The following ATP2B1 variants were observed in gnomAD, a reference collection of about 807,000 sequenced individuals.
The protein encoded by ATP2B1 is ATPase plasma membrane Ca2+ transporting 1.
Under a neutral mutation model 124.2 loss-of-function variants are expected in ATP2B1, and 14 were observed. That is an observed-to-expected ratio of 0.11 (90% confidence interval 0.07 to 0.18). The LOEUF is 0.18. Among genes scored for constraint, ATP2B1 ranks in the 10% least tolerant of loss-of-function variants. The probability of loss-of-function intolerance (pLI) is 1.00; values close to 1 mark genes in which losing one functional copy is unlikely to be tolerated. For missense variants in ATP2B1, 763 were observed against 1,466.1 expected (o/e 0.52, Z 7.83); for synonymous variants, 449 against 492.4 (o/e 0.91, Z 1.17).
chr12:89,657,380 C>T (rs556706252), intron 1 of ATP2B1, among the ~76,000 whole-genome samples: 5 of 152,204 alleles, frequency 3.3e-5, no homozygotes, highest in Non-Finnish European at 7.4e-5. Context: ...TTGAAATAGG[C>T]ATCATGCCAC....
chr12:89,691,130 T>C (rs1360117709), intron 1 of ATP2B1, among the ~76,000 whole-genome samples: 1 of 152,084 alleles, frequency 6.6e-6, no homozygotes, highest in Non-Finnish European at 1.5e-5. Flanking sequence ...CATGCCTTTC[T>C]GCCATTCAGC....
chr12:89,692,989 T>A (rs917812470), intron 1 of ATP2B1, among the ~76,000 whole-genome samples: 3 of 152,232 alleles, frequency 2.0e-5, no homozygotes, highest in African/African-American at 7.2e-5. Flanking sequence ...ACTGAGGATG[T>A]ACTGTATGCT....
chr12:89,665,021 G>A (rs1887136561), intron 1 of ATP2B1, among the ~76,000 whole-genome samples: 1 of 151,972 alleles, frequency 6.6e-6, no homozygotes, highest in Admixed American at 6.5e-5. Context: ...AGTAGAGATG[G>A]GGTTTCACCA....
chr12:89,600,295 TCATG>T (rs1210647253), intron 19 of ATP2B1, among the ~76,000 whole-genome samples: 1 of 152,212 alleles, frequency 6.6e-6, no homozygotes, highest in African/African-American at 2.4e-5. Flanking sequence ...ATAAATTAGC[TCATG>T]CAAATTATAT....
In ATP2B1 at chr12:89,708,098, AG is replaced by A. The variant is rs1407526327; in HGVS notation, c.-222+497del. On this transcript the variant is annotated intron_variant, in intron 1 of 20. Transcript: ENST00000428670. ...CAACCACCAGGGCCAGGGGCCGACC[AG>A]GGGCCCCCGCTCCCCTCCCGCAGTG... is the stretch of plus-strand genomic sequence containing the variant. Among the ~76,000 whole-genome samples the A allele has an allele frequency of 3.3e-5, 5 of 152,146 alleles. 1 individual carries two copies. Among genetic ancestry groups the A allele is most frequent in the Non-Finnish European group, 7.4e-5 (5 of 68,002 alleles).
At chr12:89,651,808 G>A (rs1292534011) in intron 2 of ATP2B1, among the ~76,000 whole-genome samples, 2 of 152,172 alleles carry the variant, frequency 1.3e-5, no homozygotes, top group Non-Finnish European at 2.9e-5. Context: ...TAAGACTGGA[G>A]CCAGAGTGAG....
intron 1 of ATP2B1, among the ~76,000 whole-genome samples, chr12:89,682,205 T>C (rs1244524577): frequency 6.6e-6 from 1 of 151,992 alleles, no homozygotes; most frequent in South Asian, 2.1e-4. Flanking sequence ...TAAAGAAAAC[T>C]GTAAAAACAC....
chr12:89,650,359 C>CTGTAA (rs1230391834), intron 2 of ATP2B1, among the ~76,000 whole-genome samples: 1 of 152,222 alleles, frequency 6.6e-6, no homozygotes, highest in Non-Finnish European at 1.5e-5. Context: ...TAAAGTCAAA[C>CTGTAA]TTACACATTC....
At chr12:89,598,215 G>A (rs1875072383) in intron 20 of ATP2B1, among the ~76,000 whole-genome samples, 1 of 152,090 alleles carries the variant, frequency 6.6e-6, no homozygotes, top group African/African-American at 2.4e-5. Flanking sequence ...TCCTGGTTCT[G>A]TTAGATGAGT....
chr12:89,610,079 T>TTACTC (rs1877704730), intron 14 of ATP2B1, 36 bp from the exon 15 acceptor site: 2 of 1,544,654 alleles, frequency 1.3e-6, no homozygotes, highest in Non-Finnish European at 1.8e-6. Flanking sequence ...TATAAAAACA[T>TTACTC]TACTCTTTAA....
Position 89,588,561 on chromosome 12 carries a change from T to A in ATP2B1, c.*2423A>T, listed in dbSNP as rs1873031545. 6.6e-6 allele frequency: 1 copy of A among 152,556 alleles called. No individual in the cohort carries two copies. The highest frequency in any genetic ancestry group is 6.6e-5 in the Admixed American group (1 of 15,260). The allele number at this position is 152,556 out of a possible 1,614,324, so 9.5% of individuals were successfully genotyped here. On this transcript the variant is annotated 3_prime_UTR_variant, in exon 21 of 21. Transcript: ENST00000428670. ...CAAGATCTTTAACAGCTTGCTTGCA[T>A]TTTTTTCTACCTACATAATGCTCTG...
At chr12:89,694,665 C>T (rs189007726) in intron 1 of ATP2B1, among the ~76,000 whole-genome samples, 20 of 152,288 alleles carry the variant, frequency 1.3e-4, no homozygotes, top group African/African-American at 4.3e-4. Context: ...GCCTGGCTTG[C>T]TACCTAGGCT....
intron 1 of ATP2B1, among the ~76,000 whole-genome samples, chr12:89,693,872 T>C (rs1421261106): frequency 6.6e-6 from 1 of 152,204 alleles, no homozygotes; most frequent in Non-Finnish European, 1.5e-5. Flanking sequence ...CTCTACTTTG[T>C]TTTACATGGT....
At chr12:89,595,902 T>A (rs1874494459) in intron 20 of ATP2B1, among the ~76,000 whole-genome samples, 1 of 152,082 alleles carries the variant, frequency 6.6e-6, no homozygotes, top group Non-Finnish European at 1.5e-5. Flanking sequence ...AAACTTTCCT[T>A]TGCCACTCTC....
chr12:89,697,517 T>C (rs1361393229), intron 1 of ATP2B1, among the ~76,000 whole-genome samples: 1 of 152,188 alleles, frequency 6.6e-6, no homozygotes, highest in East Asian at 1.9e-4. Flanking sequence ...TGTATCTAAA[T>C]TGCACAAGAC....
chr12:89,588,866 G>T lies in ATP2B1; in HGVS notation c.*2118C>A, dbSNP rs546514746. The T allele has an allele frequency of 6.6e-6, 1 of 152,606 alleles. No individual in the cohort carries two copies. The highest frequency in any genetic ancestry group is 2.1e-4 in the South Asian group (1 of 4,824). The allele number at this position is 152,606 out of a possible 1,614,324, so 9.5% of individuals were successfully genotyped here. ...CTTTTCTCTATTCCCTATGCCTTGT[G>T]GGCTCTCCAGTTGATAGGGTCAATT... On this transcript the variant is annotated 3_prime_UTR_variant, in exon 21 of 21. Coordinates refer to ENST00000428670, the MANE Select transcript of ATP2B1 (RefSeq NM_001366521.1).
chr12:89,624,589 T>C (rs954275784), intron 8 of ATP2B1, among the ~76,000 whole-genome samples, 192 bp from the exon 9 acceptor site: 1 of 152,262 alleles, frequency 6.6e-6, no homozygotes, highest in African/African-American at 2.4e-5. Context: ...AAGTACAGTC[T>C]TGTCCCCAGG....
intron 1 of ATP2B1, among the ~76,000 whole-genome samples, chr12:89,667,415 T>G (rs992718986): frequency 9.2e-5 from 14 of 152,328 alleles, no homozygotes; most frequent in African/African-American, 3.4e-4. Flanking sequence ...TACCCAGGGA[T>G]CTATCCACAG....
At chr12:89,621,495 C>T in intron 10 of ATP2B1, 54 bp downstream of exon 10, 2 of 1,354,184 alleles carry the variant, frequency 1.5e-6, no homozygotes, top group Non-Finnish European at 9.9e-7. Flanking sequence ...TACATATAGT[C>T]TGATCATTAT....
Sources: gnomAD v4.1 joint callset for allele counts (sites outside exome capture counted in the v4.1 genomes callset) on GRCh38, gnomAD v4.1.1 for gene constraint, MANE v1.5 for transcripts, NCBI Gene and HGNC (gene_info 2026-07-23, HGNC 2026-07-21) for gene names.